MTMR14: variants seen among roughly 807,000 people sequenced by gnomAD.
MTMR14 encodes myotubularin related protein 14.
MTMR14 carries 48 observed loss-of-function variants against 86.3 expected under a neutral mutation model. That is an observed-to-expected ratio of 0.56 (90% CI 0.44 to 0.71). The LOEUF (loss-of-function observed/expected upper bound fraction) is 0.71. Among genes scored for constraint, MTMR14 ranks in the 30% least tolerant of loss-of-function variants. MTMR14 has a pLI of 0.00. For synonymous variants in MTMR14, 366 were observed against 326.1 expected (o/e 1.12, Z -1.32); for missense variants, 780 against 834.6 (o/e 0.93, Z 0.81).
intron 1 of MTMR14, among the ~76,000 whole-genome samples, chr3:9,652,257 A>G (rs2047345376): frequency 6.6e-6 from 1 of 152,166 alleles, no homozygotes; most frequent in East Asian, 1.9e-4. Context: ...GTGAGCCACC[A>G]TGCCTGGCCC....
At position 9,672,703 on chromosome 3, in the gene MTMR14, G is replaced by A. The variant is rs778927234; in HGVS notation, c.696G>A (p.Lys232=). Residue 232 remains lysine (K), a synonymous_variant, in exon 7 of 19, where the codon AAG becomes AAA. Transcript: ENST00000296003. ...CTTGTAGTGTAACCTCCTCTGAGAA[G>A]GTGGACAAAGCCCAGCGCTATGCCG... ...KFGMNVTSSE[K]VDKAQRYADF... 2.5e-6 allele frequency: 4 copies of A among 1,614,182 alleles called. No individual in the cohort carries two copies. In the South Asian group the frequency reaches 3.3e-5, roughly 13 times the overall value.
At chr3:9,698,995 C>T (rs1213046998) in intron 18 of MTMR14, among the ~76,000 whole-genome samples, 1 of 152,006 alleles carries the variant, frequency 6.6e-6, no homozygotes, top group Non-Finnish European at 1.5e-5. Flanking sequence ...ATGGAGAAAC[C>T]CCGTCTCTAC....
chr3:9,694,527 TGGATTGGGATGGAC>T (rs1395821792), intron 17 of MTMR14, among the ~76,000 whole-genome samples: 1 of 152,230 alleles, frequency 6.6e-6, no homozygotes. Flanking sequence ...GATGGATGGA[TGGATTGGGATGGAC>T]TGGGATGGAC....
At chr3:9,667,848 A>T (rs1260451816) in intron 3 of MTMR14, among the ~76,000 whole-genome samples, 4 of 152,148 alleles carry the variant, frequency 2.6e-5, no homozygotes, top group Non-Finnish European at 5.9e-5. Context: ...TCTTCCAGGG[A>T]TCCACTTTCC....
intron 3 of MTMR14, 136 bp downstream of exon 3, chr3:9,662,511 T>A: frequency 1.3e-6 from 1 of 760,342 alleles, no homozygotes; most frequent in Non-Finnish European, 2.3e-6. Context: ...TGGGAAGCAG[T>A]CCAGAGAAAC....
chr3:9,649,650 C>G lies in MTMR14; in HGVS notation c.67C>G (p.Pro23Ala). ...AGSSASSGNQPPQELGLGELL... is the reference protein window; with the variant it reads ...AGSSASSGNQAPQELGLGELL... ...GTCCTCGGCCTCTTCAGGCAACCAG[C>G]CGCCTCAGGAGCTGGGGCTTGGGGA... The change falls in exon 1 of 19, where the codon CCG becomes GCG. Residue 23 changes from proline to alanine, a missense_variant. By Grantham distance (27) the Pro-to-Ala change is conservative (BLOSUM62 -1). Transcript: ENST00000296003. 6.3e-7 allele frequency: 1 copy of G among 1,583,880 alleles called. No individual in the cohort carries two copies. Among genetic ancestry groups the G allele is most frequent in the Non-Finnish European group, 8.6e-7 (1 of 1,165,870 alleles).
chr3:9,673,916 A>AGAT (rs1221825208), intron 7 of MTMR14, among the ~76,000 whole-genome samples: 1 of 152,116 alleles, frequency 6.6e-6, no homozygotes, highest in Non-Finnish European at 1.5e-5. Flanking sequence ...GCGCTGATGC[A>AGAT]GATGATGATG....
chr3:9,682,593 A>C (rs774797028), intron 9 of MTMR14, among the ~76,000 whole-genome samples: 2 of 152,180 alleles, frequency 1.3e-5, no homozygotes, highest in Non-Finnish European at 2.9e-5. Flanking sequence ...CTCCCACCTC[A>C]TGGGCCTCCT....
At chr3:9,689,203 G>A in intron 16 of MTMR14, 121 bp downstream of exon 16, 3 of 1,416,796 alleles carry the variant, frequency 2.1e-6, no homozygotes, top group Non-Finnish European at 2.9e-6. Flanking sequence ...TGAGAGGATA[G>A]CTCCGTGCTC....
rs373445437 is a variant in MTMR14 at position 9,671,090 on chromosome 3, C to T, written c.597C>T (p.Asp199=). ...TTTTTGATAAGGTCAGAGGCTATGA[C>T]ATCAAGCTGCTTCGATACCTGTCAG... ...THLFDKVRGY[D]IKLLRYLSVK... is the part of the protein sequence containing the mutation. Residue 199 remains aspartate, a synonymous_variant, in exon 6 of 19, where the codon GAC becomes GAT. Transcript: ENST00000296003. 4 of 1,614,104 alleles carry T rather than the reference C, an allele frequency of 2.5e-6. No individual in the cohort carries two copies. Among genetic ancestry groups the T allele is most frequent in the Admixed American group, 1.7e-5 (1 of 60,012 alleles).
intron 7 of MTMR14, among the ~76,000 whole-genome samples, chr3:9,674,968 G>A (rs775101323): frequency 1.3e-5 from 2 of 152,140 alleles, no homozygotes; most frequent in Admixed American, 6.5e-5. Context: ...AAAATTAGCC[G>A]GGCGCGGTGG....
At chr3:9,694,962 C>T (rs1167739160) in intron 17 of MTMR14, among the ~76,000 whole-genome samples, 1 of 152,198 alleles carries the variant, frequency 6.6e-6, no homozygotes, top group African/African-American at 2.4e-5. Context: ...GGGATGTGGA[C>T]AGGTGACCTC....
chr3:9,683,315 C>G, intron 10 of MTMR14, 71 bp downstream of exon 10: 1 of 1,441,222 alleles, frequency 6.9e-7, no homozygotes, highest in Non-Finnish European at 9.8e-7. Context: ...TCTGCCTCAA[C>G]TGTATGTTTG....
intron 9 of MTMR14, among the ~76,000 whole-genome samples, chr3:9,678,488 T>C (rs1181310012): frequency 6.6e-6 from 1 of 152,224 alleles, no homozygotes; most frequent in Non-Finnish European, 1.5e-5. Flanking sequence ...TTGCACACCA[T>C]GGAAGGGGCC....
intron 9 of MTMR14, among the ~76,000 whole-genome samples, chr3:9,682,119 G>C (rs1044152170): frequency 7.9e-5 from 12 of 152,322 alleles, no homozygotes; most frequent in Admixed American, 7.8e-4. Flanking sequence ...TGCTCCATTG[G>C]CAATGGTGTG....
intron 10 of MTMR14, 82 bp from the exon 11 acceptor site, chr3:9,684,503 C>G (rs1412812171): frequency 2.1e-5 from 29 of 1,401,680 alleles, no homozygotes; most frequent in Non-Finnish European, 2.9e-5. Flanking sequence ...CTCCCTCCAC[C>G]AGGCCAAGCT....
chr3:9,665,101 G>A (rs1446800017), intron 3 of MTMR14, among the ~76,000 whole-genome samples: 1 of 152,072 alleles, frequency 6.6e-6, no homozygotes, highest in Non-Finnish European at 1.5e-5. Flanking sequence ...AGCCAACATA[G>A]TGAAACCCCG....
At chr3:9,683,368 T>C (rs189669576) in intron 10 of MTMR14, 124 bp downstream of exon 10, 47 of 912,542 alleles carry the variant, frequency 5.2e-5, no homozygotes, top group Admixed American at 4.0e-4. Flanking sequence ...GAGAGGAATT[T>C]GGGGAGTTCC....
chr3:9,666,133 GT>G (rs1241278468), intron 3 of MTMR14, among the ~76,000 whole-genome samples: 15,369 of 117,142 alleles, frequency 0.13, 677 homozygotes, highest in African/African-American at 0.26. Flanking sequence ...AAGTTTGTTG[GT>G]TTTTTTTTTT....
Sources: allele counts gnomAD v4.1 joint callset (sites outside exome capture counted in the v4.1 genomes callset), GRCh38; gene constraint gnomAD v4.1.1; transcripts MANE v1.5; gene names NCBI Gene and HGNC (gene_info 2026-07-23, HGNC 2026-07-21).